Variants in SGCD observed in about 807,000 individuals in gnomAD.
SGCD encodes the protein delta-sarcoglycan.
SGCD carries 18 observed loss-of-function variants against 36.6 expected under a neutral mutation model. The ratio of observed to expected loss-of-function variants is 0.49; its 90% CI spans 0.34 to 0.73. The LOEUF (loss-of-function observed/expected upper bound fraction) is 0.73, where lower values mean the gene tolerates loss of function less well. Among genes scored for constraint, SGCD ranks in the 30% least tolerant of loss-of-function variants. The pLI is 0.01. For missense variants in SGCD, 387 were observed against 346.7 expected (o/e 1.12, Z -0.92); for synonymous variants, 133 against 130.6 (o/e 1.02, Z -0.12).
At chr5:156,708,778 T>G (rs918501601) in intron 7 of SGCD, among the ~76,000 whole-genome samples, 2 of 152,074 alleles carry the variant, frequency 1.3e-5, no homozygotes, top group African/African-American at 4.8e-5. Flanking sequence ...AGAAATGAAG[T>G]GAAAACCCCA....
intron 7 of SGCD, among the ~76,000 whole-genome samples, chr5:156,697,113 G>C (rs1336735464): frequency 6.6e-6 from 1 of 152,022 alleles, no homozygotes; most frequent in African/African-American, 2.4e-5. Flanking sequence ...GGGGGTAGCA[G>C]CTAAAGATTG....
intron 1 of SGCD, among the ~76,000 whole-genome samples, chr5:156,044,386 T>C (rs1759713032): frequency 6.6e-6 from 1 of 152,168 alleles, no homozygotes; most frequent in Non-Finnish European, 1.5e-5. Context: ...TCTTTAATAC[T>C]TAGAGGAATA....
intron 1 of SGCD, among the ~76,000 whole-genome samples, chr5:155,992,378 C>G (rs76333318): frequency 7.9e-5 from 12 of 152,058 alleles, no homozygotes; most frequent in African/African-American, 2.7e-4. Context: ...ATTTGGAAAC[C>G]GTAGCTTGTC....
At chr5:155,933,943 C>A (rs1389137578) in intron 1 of SGCD, among the ~76,000 whole-genome samples, 1 of 152,148 alleles carries the variant, frequency 6.6e-6, no homozygotes, top group African/African-American at 2.4e-5. Context: ...AAGAACCAAG[C>A]TTAACAAGAA....
At chr5:156,647,585 C>A in intron 7 of SGCD, 49 bp downstream of exon 7, 1 of 1,166,976 alleles carries the variant, frequency 8.6e-7, no homozygotes, top group South Asian at 1.3e-5. Context: ...TTGCCTTGCT[C>A]TGTGCAACTG....
At chr5:156,433,179 T>C (rs954767401) in intron 3 of SGCD, among the ~76,000 whole-genome samples, 10 of 152,242 alleles carry the variant, frequency 6.6e-5, no homozygotes, top group African/African-American at 2.4e-4. Context: ...GTCTCTTTTC[T>C]GGTCGAGAAA....
At chr5:156,178,324 G>A (rs1419074844) in intron 3 of SGCD, among the ~76,000 whole-genome samples, 1 of 152,180 alleles carries the variant, frequency 6.6e-6, no homozygotes, top group Non-Finnish European at 1.5e-5. Context: ...GAGTGCGTCA[G>A]CGTGGAGAGA....
intron 3 of SGCD, among the ~76,000 whole-genome samples, chr5:156,350,251 A>ATATATATATATATATATATATATATT: frequency 7.1e-6 from 1 of 140,186 alleles, no homozygotes; most frequent in African/African-American, 2.5e-5. Flanking sequence ...AAAAAATTAT[A>ATATATATATATATATATATATATATT]TATATATATA....
At chr5:156,584,743 T>C (rs1439959276) in intron 4 of SGCD, among the ~76,000 whole-genome samples, 1 of 152,244 alleles carries the variant, frequency 6.6e-6, no homozygotes, top group African/African-American at 2.4e-5. Context: ...ATTTGCTGGC[T>C]ATATATCTAT....
intron 1 of SGCD, among the ~76,000 whole-genome samples, chr5:156,061,879 G>T (rs1427181099): frequency 3.5e-5 from 5 of 141,248 alleles, no homozygotes; most frequent in Non-Finnish European, 7.9e-5. Flanking sequence ...ATTGAGATTG[G>T]CAGGTAAAAG....
At chr5:156,353,694 T>C (rs776318382) in intron 3 of SGCD, among the ~76,000 whole-genome samples, 5 of 152,256 alleles carry the variant, frequency 3.3e-5, no homozygotes, top group Non-Finnish European at 1.5e-5. Flanking sequence ...CTCAGTGCTT[T>C]GACTGTGTGG....
chr5:156,321,243 C>A (rs959315268), intron 3 of SGCD, among the ~76,000 whole-genome samples: 1 of 152,020 alleles, frequency 6.6e-6, no homozygotes, highest in Non-Finnish European at 1.5e-5. Context: ...CATGGTGAAA[C>A]CCCATCTCTA....
At chr5:156,425,755 C>G (rs191968195) in intron 3 of SGCD, among the ~76,000 whole-genome samples, 2 of 152,128 alleles carry the variant, frequency 1.3e-5, no homozygotes, top group Non-Finnish European at 2.9e-5. Flanking sequence ...TTATATCATT[C>G]TTAGCCTTCG....
intron 3 of SGCD, among the ~76,000 whole-genome samples, chr5:156,248,517 A>G (rs1765493772): frequency 1.3e-5 from 2 of 151,822 alleles, no homozygotes; most frequent in Non-Finnish European, 1.5e-5. Context: ...GGCTCCGTCT[A>G]AAAAAAACAC....
chr5:156,127,962 G>A (rs894686907), intron 3 of SGCD, among the ~76,000 whole-genome samples: 34 of 147,200 alleles, frequency 2.3e-4, no homozygotes, highest in Admixed American at 2.3e-3. Flanking sequence ...GGACACAAAT[G>A]CACAAACCAT....
At chr5:156,306,698 T>C (rs1046475986) in intron 3 of SGCD, among the ~76,000 whole-genome samples, 28 of 152,218 alleles carry the variant, frequency 1.8e-4, no homozygotes, top group Non-Finnish European at 7.3e-5. Context: ...GCTATTATGT[T>C]AAAACCAGGT....
chr5:156,035,867 T>G (rs1483504363), intron 1 of SGCD, among the ~76,000 whole-genome samples: 4 of 152,156 alleles, frequency 2.6e-5, no homozygotes, highest in Non-Finnish European at 5.9e-5. Context: ...GAGCAAAGTA[T>G]CAAAATGGTG....
intron 3 of SGCD, among the ~76,000 whole-genome samples, chr5:156,495,758 C>T (rs1379678532): frequency 2.6e-5 from 4 of 152,152 alleles, no homozygotes; most frequent in African/African-American, 9.7e-5. Flanking sequence ...GAGTCTCCTC[C>T]TTTATCAACA....
the SGCD span, among the ~76,000 whole-genome samples, chr5:155,752,988 T>C: frequency 1.3e-4 from 20 of 152,280 alleles, no homozygotes; most frequent in Admixed American, 3.9e-4. Flanking sequence ...CCAGTGGCCT[T>C]TGCTAACTCC....
Sources: gnomAD v4.1 joint callset for allele counts (sites outside exome capture counted in the v4.1 genomes callset) on GRCh38, gnomAD v4.1.1 for gene constraint, MANE v1.5 for transcripts, NCBI Gene and HGNC (gene_info 2026-07-23, HGNC 2026-07-21) for gene names.